The following DTNA variants were observed in gnomAD, a reference collection of about 807,000 sequenced individuals.
The protein encoded by DTNA is dystrobrevin alpha.
DTNA carries 43 observed loss-of-function variants against 100.7 expected under a neutral mutation model. The ratio of observed to expected loss-of-function variants is 0.43; its 90% CI spans 0.33 to 0.55. DTNA has a LOEUF of 0.55. DTNA is among the 20% of genes least tolerant of loss of function. The probability of loss-of-function intolerance (pLI) is 0.04; values close to 1 mark genes in which losing one functional copy is unlikely to be tolerated. For missense variants in DTNA, 798 were observed against 953.9 expected (o/e 0.84, Z 2.15); for synonymous variants, 349 against 347.9 (o/e 1.00, Z -0.04).
chr18:34,861,262 G>A (rs1170433401), intron 16 of DTNA, among the ~76,000 whole-genome samples: 2 of 152,016 alleles, frequency 1.3e-5, no homozygotes, highest in South Asian at 4.2e-4. Context: ...GAGGCGGGCG[G>A]ATCACGAGGT....
chr18:34,543,081 G>T (rs1488078109), intron 1 of DTNA, among the ~76,000 whole-genome samples: 1 of 151,812 alleles, frequency 6.6e-6, no homozygotes, highest in East Asian at 1.9e-4. Context: ...ATTTGGTTCT[G>T]TACTATTCAG....
At chr18:34,657,854 A>C (rs2074614642) in intron 1 of DTNA, among the ~76,000 whole-genome samples, 1 of 152,240 alleles carries the variant, frequency 6.6e-6, no homozygotes, top group South Asian at 2.1e-4. Flanking sequence ...CAGGAGCCAC[A>C]CACACTGCCA....
At chr18:34,805,871 T>C (rs1055750294) in intron 4 of DTNA, among the ~76,000 whole-genome samples, 1 of 152,184 alleles carries the variant, frequency 6.6e-6, no homozygotes, top group Admixed American at 6.5e-5. Flanking sequence ...AATCATTTTA[T>C]GAAACTCCAA....
At chr18:34,673,632 T>C (rs1053666262) in intron 1 of DTNA, among the ~76,000 whole-genome samples, 2 of 152,132 alleles carry the variant, frequency 1.3e-5, no homozygotes, top group African/African-American at 4.8e-5. Flanking sequence ...ACTGAACTGA[T>C]ATTGACAGGC....
intron 1 of DTNA, among the ~76,000 whole-genome samples, chr18:34,628,557 T>A (rs1382316482): frequency 6.6e-6 from 1 of 152,226 alleles, no homozygotes; most frequent in African/African-American, 2.4e-5. Context: ...TCCAGATAAA[T>A]CTTGCTTGAT....
chr18:34,756,967 T>C (rs887027067), intron 2 of DTNA, among the ~76,000 whole-genome samples: 1 of 152,110 alleles, frequency 6.6e-6, no homozygotes, highest in African/African-American at 2.4e-5. Flanking sequence ...CTACTAAAGA[T>C]TGGAAGTGAC....
At chr18:34,614,989 CATT>C (rs2054951920) in intron 1 of DTNA, among the ~76,000 whole-genome samples, 1 of 152,298 alleles carries the variant, frequency 6.6e-6, no homozygotes, top group South Asian at 2.1e-4. Flanking sequence ...CAGCAAACAT[CATT>C]GTTTCCTTAT....
At chr18:34,831,524 T>C (rs950470482) in intron 11 of DTNA, among the ~76,000 whole-genome samples, 1 of 152,122 alleles carries the variant, frequency 6.6e-6, no homozygotes, top group African/African-American at 2.4e-5. Flanking sequence ...TCCCAGCAAT[T>C]TGGGAGGCTG....
At chr18:34,709,078 A>G (rs1236561576), upstream of DTNA, among the ~76,000 whole-genome samples, 1 of 151,240 alleles carries the variant, frequency 6.6e-6, no homozygotes, top group African/African-American at 2.4e-5. Context: ...AGATCTCTGA[A>G]GGGTTTAACC....
intron 13 of DTNA, among the ~76,000 whole-genome samples, chr18:34,845,753 T>A: frequency 6.6e-6 from 1 of 152,220 alleles, no homozygotes; most frequent in East Asian, 1.9e-4. Context: ...CATTGCAGAA[T>A]GCAGACATTA....
intron 5 of DTNA, among the ~76,000 whole-genome samples, chr18:34,809,200 C>T (rs952920872): frequency 3.9e-5 from 6 of 152,166 alleles, no homozygotes; most frequent in Non-Finnish European, 7.3e-5. Flanking sequence ...CAAATTTACC[C>T]ACAAAATCTG....
chr18:34,567,813 A>G (rs939452101), intron 1 of DTNA, among the ~76,000 whole-genome samples: 10 of 152,186 alleles, frequency 6.6e-5, no homozygotes, highest in Admixed American at 5.9e-4. Flanking sequence ...AAACACATAT[A>G]TGTAACTAAT....
intron 1 of DTNA, among the ~76,000 whole-genome samples, chr18:34,598,180 T>C (rs1252272722): frequency 6.6e-6 from 1 of 152,052 alleles, no homozygotes; most frequent in African/African-American, 2.4e-5. Flanking sequence ...CTGTTGTCAC[T>C]GTCTTGGGGA....
rs2096959974 is a variant in DTNA, at chr18:34,890,559, T to C, written c.*2825T>C. ...TCCATCTCCATCAGAGCTGATAGCCTGTTAATAAGCACTGGTCTAACACAG... is the reference window on the plus strand; with the variant it reads ...TCCATCTCCATCAGAGCTGATAGCCCGTTAATAAGCACTGGTCTAACACAG... On this transcript the variant is annotated 3_prime_UTR_variant, in exon 23 of 23. Coordinates refer to ENST00000444659, the MANE Select transcript of DTNA (RefSeq NM_001386795.1). The C allele has an allele frequency of 2.1e-6, 3 of 1,440,358 alleles. No homozygotes were observed. The highest frequency in any genetic ancestry group is 2.7e-5 in the South Asian group (2 of 74,720). The allele number at this position is 1,440,358 out of a possible 1,614,324, so 89.2% of individuals were successfully genotyped here.
intron 1 of DTNA, among the ~76,000 whole-genome samples, chr18:34,603,058 A>G (rs1293075426): frequency 6.6e-6 from 1 of 151,682 alleles, no homozygotes; most frequent in Non-Finnish European, 1.5e-5. Context: ...TTAAAAAAGA[A>G]AGAAAGAAAG....
chr18:34,590,415 T>C (rs1220189734), intron 1 of DTNA, among the ~76,000 whole-genome samples: 2 of 152,240 alleles, frequency 1.3e-5, no homozygotes, highest in African/African-American at 4.8e-5. Flanking sequence ...GCTATAAAAC[T>C]ATCACCATGA....
intron 2 of DTNA, chr18:34,759,984 A>T (rs1470275443): frequency 6.6e-6 from 1 of 152,120 alleles, no homozygotes; most frequent in African/African-American, 2.4e-5. Flanking sequence ...TGCCCGGCCT[A>T]AGTACTGTTG....
chr18:34,801,195 A>G (rs2095196587), intron 4 of DTNA, among the ~76,000 whole-genome samples: 1 of 152,228 alleles, frequency 6.6e-6, no homozygotes, highest in African/African-American at 2.4e-5. Context: ...ACATTGATTT[A>G]TGAAGCCATT....
At chr18:34,782,327 G>A (rs773109518) in intron 3 of DTNA, among the ~76,000 whole-genome samples, 21 of 152,106 alleles carry the variant, frequency 1.4e-4, no homozygotes, top group Non-Finnish European at 3.1e-4. Context: ...TGAAAGCCAT[G>A]GACCTATGTT....
Sources: gnomAD v4.1 joint callset for allele counts (sites outside exome capture counted in the v4.1 genomes callset) on GRCh38, gnomAD v4.1.1 for gene constraint, MANE v1.5 for transcripts, NCBI Gene and HGNC (gene_info 2026-07-23, HGNC 2026-07-21) for gene names.